Variants in IFT80 observed in about 807,000 individuals in gnomAD.
IFT80 encodes intraflagellar transport protein 80 homolog.
A neutral mutation model predicts 107.9 loss-of-function variants in IFT80; 79 were observed. The ratio of observed to expected loss-of-function variants is 0.73; its 90% confidence interval spans 0.61 to 0.88. The LOEUF (loss-of-function observed/expected upper bound fraction) is 0.88. Among genes scored for constraint, IFT80 ranks in the 40% least tolerant of loss-of-function variants. The probability of loss-of-function intolerance (pLI) is 0.00; values close to 1 mark genes in which losing one functional copy is unlikely to be tolerated. For synonymous variants in IFT80, 299 were observed against 300.9 expected, an observed-to-expected ratio of 0.99 and a Z score of 0.07; for missense variants, 797 against 914.2, an observed-to-expected ratio of 0.87 and a Z score of 1.65.
At chr3:160,373,018 T>C (rs1711651043) in intron 5 of IFT80, among the ~76,000 whole-genome samples, 1 of 152,118 alleles carries the variant, frequency 6.6e-6, no homozygotes, top group African/African-American at 2.4e-5. Context: ...AAGTGAAATT[T>C]TTATGGCATG....
rs568539152 is a variant in IFT80, at chr3:160,261,478, A to T, written c.2224-2843T>A. On this transcript the variant is annotated intron_variant, in intron 19 of 19. Coordinates refer to ENST00000326448, the MANE Select transcript of IFT80 (RefSeq NM_020800.3). ...ATATATCTAGTATGCCAGAAGCGGT[A>T]AAGATTTTGAAAATAGAGAAGGGAG... Among the ~76,000 whole-genome samples the T allele has an allele frequency of 2.7e-3, 387 of 141,926 alleles. 2 individuals are homozygous for T. The highest frequency in any genetic ancestry group is 9.9e-3 in the African/African-American group (373 of 37,856). 93.1% of individuals were successfully genotyped at this position (141,926 alleles called of 152,430 possible).
chr3:160,313,843 T>C (rs1262713792), intron 9 of IFT80, among the ~76,000 whole-genome samples: 1 of 152,044 alleles, frequency 6.6e-6, no homozygotes, highest in Admixed American at 6.6e-5. Context: ...CTTCTGACCT[T>C]GTGATCCACC....
intron 13 of IFT80, among the ~76,000 whole-genome samples, chr3:160,285,488 T>C (rs1392763918): frequency 6.6e-6 from 1 of 152,182 alleles, no homozygotes; most frequent in African/African-American, 2.4e-5. Flanking sequence ...CAAATACATT[T>C]TTATTTACTG....
chr3:160,363,070 G>A (rs1721615520), intron 6 of IFT80, among the ~76,000 whole-genome samples: 1 of 152,162 alleles, frequency 6.6e-6, no homozygotes. Context: ...AAAAGAGGAA[G>A]TCAAATTGTC....
At chr3:160,291,802 G>C (rs1019132622) in intron 12 of IFT80, among the ~76,000 whole-genome samples, 10 of 152,186 alleles carry the variant, frequency 6.6e-5, no homozygotes, top group African/African-American at 2.2e-4. Flanking sequence ...AAGGTATGTC[G>C]TATCAATGCC....
intron 13 of IFT80, among the ~76,000 whole-genome samples, chr3:160,284,671 CA>C (rs1313448536): frequency 6.6e-6 from 1 of 151,990 alleles, no homozygotes; most frequent in Non-Finnish European, 1.5e-5. Flanking sequence ...ATACTAACGG[CA>C]AAAGATTGGA....
intron 8 of IFT80, among the ~76,000 whole-genome samples, chr3:160,345,588 G>T (rs534676190): frequency 1.3e-5 from 2 of 151,780 alleles, no homozygotes; most frequent in African/African-American, 2.4e-5. Flanking sequence ...CAGCTACTCG[G>T]GAGGCTGAGG....
chr3:160,355,877 AT>A, intron 8 of IFT80, 135 bp downstream of exon 8: 1 of 1,055,480 alleles, frequency 9.5e-7, no homozygotes, highest in Non-Finnish European at 1.5e-6. Flanking sequence ...TTGAACCAGC[AT>A]ATTAAGAAGA....
chr3:160,328,753 A>G (rs1290438412), intron 8 of IFT80, among the ~76,000 whole-genome samples: 1 of 152,194 alleles, frequency 6.6e-6, no homozygotes, highest in Admixed American at 6.6e-5. Context: ...TGTCGATTAC[A>G]GGCTGGAGAA....
At chr3:160,355,896 G>A in intron 8 of IFT80, 117 bp downstream of exon 8, 1 of 1,227,352 alleles carries the variant, frequency 8.1e-7, no homozygotes, top group Non-Finnish European at 1.2e-6. Flanking sequence ...AGACAAATCA[G>A]AAAGATTCAA....
intron 8 of IFT80, among the ~76,000 whole-genome samples, chr3:160,324,052 G>A (rs1486865604): frequency 9.2e-5 from 14 of 151,994 alleles, no homozygotes; most frequent in East Asian, 1.9e-4. Flanking sequence ...ATTCCTCGAC[G>A]CATACACTCT....
chr3:160,285,284 A>G (rs974542092), intron 13 of IFT80, among the ~76,000 whole-genome samples: 2 of 152,204 alleles, frequency 1.3e-5, no homozygotes, highest in Non-Finnish European at 2.9e-5. Flanking sequence ...AGACCCTAAT[A>G]TATCAGCAAT....
chr3:160,315,221 C>T (rs564169254), intron 9 of IFT80, among the ~76,000 whole-genome samples: 5 of 152,176 alleles, frequency 3.3e-5, no homozygotes, highest in South Asian at 4.2e-4. Context: ...ATGTATTCCC[C>T]CTGCAGTGAA....
intron 19 of IFT80, among the ~76,000 whole-genome samples, chr3:160,259,063 G>A (rs1170540585): frequency 6.6e-6 from 1 of 152,114 alleles, no homozygotes; most frequent in African/African-American, 2.4e-5. Context: ...AGCCGTGATT[G>A]CACCATTGCA....
At chr3:160,351,378 T>C (rs954902291) in intron 8 of IFT80, among the ~76,000 whole-genome samples, 1 of 149,632 alleles carries the variant, frequency 6.7e-6, no homozygotes, top group Admixed American at 6.7e-5. Context: ...GCTTTTCATT[T>C]GTTAAATTAT....
At chr3:160,318,160 G>A (rs1374054631) in intron 9 of IFT80, among the ~76,000 whole-genome samples, 1 of 151,676 alleles carries the variant, frequency 6.6e-6, no homozygotes, top group African/African-American at 2.4e-5. Flanking sequence ...CTGGGGCTGG[G>A]TGATGAGTAC....
intron 12 of IFT80, among the ~76,000 whole-genome samples, chr3:160,295,584 G>C (rs905610972): frequency 1.3e-5 from 2 of 151,978 alleles, no homozygotes; most frequent in African/African-American, 4.8e-5. Context: ...GGGTGAAAGA[G>C]TGAGACCCCA....
Position 160,319,948 on chromosome 3 carries a change from G to GA in IFT80, c.778-10dup, listed in dbSNP as rs1316973583. ...TCTAATGCATATGACCACTGGGGGA[G>GA]AAAAAACAAGAAAAAGATGGACTTA... On this transcript the variant is annotated splice_polypyrimidine_tract_variant and intron_variant, in intron 8 of 19. Transcript: ENST00000326448. 66 of 1,603,072 alleles carry GA rather than the reference G, an allele frequency of 4.1e-5. No homozygotes were observed. The highest frequency in any genetic ancestry group is 3.3e-4 in the Middle Eastern group (2 of 6,032).
rs1553753582 is a variant in IFT80 at position 160,280,770 on chromosome 3, G to A, written c.1561C>T (p.Leu521Phe). The A allele has an allele frequency of 1.2e-6, 2 of 1,613,022 alleles. No individual in the cohort carries two copies. The highest frequency in any genetic ancestry group is 1.7e-6 in the Non-Finnish European group (2 of 1,179,318). Reference protein sequence around the residue: ...TLAWNDTCNILCGLQDTRFIV... With the variant: ...TLAWNDTCNIFCGLQDTRFIV... ...AATCGAGTATCTTGAAGTCCACAAA[G>A]GATATTGCATGTATCGTTCCATGCC... The change falls in exon 15 of 20, where the codon CTT becomes TTT. Residue 521 changes from leucine to phenylalanine, a missense_variant. Physicochemically the swap from Leu to Phe is conservative, Grantham distance 22. Coordinates refer to ENST00000326448, the MANE Select transcript of IFT80 (RefSeq NM_020800.3).
Sources: allele counts gnomAD v4.1 joint callset (sites outside exome capture counted in the v4.1 genomes callset), GRCh38; gene constraint gnomAD v4.1.1; transcripts MANE v1.5; gene names NCBI Gene and HGNC (gene_info 2026-07-23, HGNC 2026-07-21).